Variants in SPIDR observed in about 807,000 individuals in gnomAD.
SPIDR encodes scaffold protein involved in DNA repair, also known as DNA repair-scaffolding protein.
SPIDR carries 93 observed loss-of-function variants against 104.6 expected under a neutral mutation model. That is an observed-to-expected ratio of 0.89 (90% confidence interval 0.75 to 1.06). The LOEUF is 1.06. Ranked by LOEUF, SPIDR falls within the 50% of genes least tolerant of loss-of-function variation. SPIDR has a pLI of 0.00. For synonymous variants in SPIDR, 431 were observed against 416.9 expected (o/e 1.03, Z -0.41); for missense variants, 1,154 against 1,111.2 (o/e 1.04, Z -0.55).
intron 8 of SPIDR, among the ~76,000 whole-genome samples, chr8:47,553,868 C>T (rs994705353): frequency 1.3e-5 from 2 of 152,152 alleles, no homozygotes; most frequent in African/African-American, 4.8e-5. Context: ...TTGGTTTCTC[C>T]CCATCTTTGT....
intron 5 of SPIDR, among the ~76,000 whole-genome samples, chr8:47,347,287 C>T (rs577521089): frequency 1.3e-5 from 2 of 152,190 alleles, no homozygotes; most frequent in East Asian, 1.9e-4. Context: ...TGAGATCTAA[C>T]TTGATTGCAC....
intron 10 of SPIDR, 159 bp from the exon 11 acceptor site, chr8:47,673,638 ATTTC>A: frequency 3.3e-6 from 3 of 921,240 alleles, no homozygotes; most frequent in Non-Finnish European, 3.3e-6. Context: ...ACTACAGTGG[ATTTC>A]TTTTTTTTTT....
Position 47,293,936 on chromosome 8 carries a change from A to G in SPIDR, c.431A>G (p.Glu144Gly). 14 of 1,614,116 alleles carry G rather than the reference A, an allele frequency of 8.7e-6. No homozygotes were observed. Among genetic ancestry groups the G allele is most frequent in the Non-Finnish European group, 1.2e-5 (14 of 1,180,016 alleles). ...RAEASDCDEF[E>G]DDEGAVEISD... ...GAGGCTAGTGACTGTGATGAATTTG[A>G]AGATGACGAGGGTGCTGTGGAAATC... The change falls in exon 5 of 20, where the codon GAA (glutamate) becomes GGA (glycine). Residue 144 changes from glutamate to glycine, a missense_variant. By Grantham distance (98) the Glu-to-Gly change is moderately conservative. Transcript: ENST00000297423.
At chr8:47,324,675 A>AAAT (rs1457114273) in intron 5 of SPIDR, among the ~76,000 whole-genome samples, 8 of 152,178 alleles carry the variant, frequency 5.3e-5, no homozygotes, top group African/African-American at 1.9e-4. Flanking sequence ...TGCTTCCCTT[A>AAAT]AAGGGGCTCT....
chr8:47,293,947 G>C lies in SPIDR; in HGVS notation c.442G>C (p.Gly148Arg). The part of the protein sequence containing the change: ...SDCDEFEDDE[G>R]AVEISDCASC... ...CTGTGATGAATTTGAAGATGACGAG[G>C]GTGCTGTGGAAATCTCAGACTGTGC... Residue 148 changes from glycine to arginine, a missense_variant, in exon 5 of 20, where the codon GGT becomes CGT. Transcript: ENST00000297423. 2.5e-6 allele frequency: 4 copies of C among 1,614,076 alleles called. No homozygotes were observed. Among genetic ancestry groups the C allele is most frequent in the Non-Finnish European group, 3.4e-6 (4 of 1,179,988 alleles).
rs556490240 is a variant in SPIDR at position 47,441,339 on chromosome 8, TATG to T, written c.1097+801_1097+803del. On this transcript the variant is annotated intron_variant, in intron 8 of 19. Transcript: ENST00000297423. ...TCTAGACCAAGTTAAAAATTGGAAA[TATG>T]ATGTTTATCATTTTAATTCATATTT... Among the ~76,000 whole-genome samples the T allele has an allele frequency of 8.2e-4, 125 of 152,320 alleles. 1 individual carries two copies. The highest frequency in any genetic ancestry group is 2.9e-3 in the African/African-American group (119 of 41,574).
At chr8:47,478,822 T>C (rs2076560902) in intron 8 of SPIDR, among the ~76,000 whole-genome samples, 1 of 152,214 alleles carries the variant, frequency 6.6e-6, no homozygotes, top group Admixed American at 6.5e-5. Flanking sequence ...CCTACAATTA[T>C]AGCTCTAAAC....
intron 8 of SPIDR, among the ~76,000 whole-genome samples, chr8:47,495,557 AT>A (rs1178299442): frequency 6.6e-6 from 1 of 151,886 alleles, no homozygotes; most frequent in African/African-American, 2.4e-5. Context: ...CAGCTTATCT[AT>A]TTTTTTATTT....
intron 10 of SPIDR, among the ~76,000 whole-genome samples, chr8:47,666,674 T>G (rs1355090276): frequency 2.6e-5 from 4 of 152,208 alleles, no homozygotes; most frequent in Admixed American, 2.6e-4. Context: ...TGGCACTAAC[T>G]GACTGCTGTC....
At chr8:47,345,769 C>T (rs761018590) in intron 5 of SPIDR, among the ~76,000 whole-genome samples, 1 of 151,650 alleles carries the variant, frequency 6.6e-6, no homozygotes, top group Non-Finnish European at 1.5e-5. Context: ...CTGTTTGTCT[C>T]TTATTGGTGT....
intron 1 of SPIDR, among the ~76,000 whole-genome samples, chr8:47,268,287 T>C (rs2034509922): frequency 6.6e-6 from 1 of 152,218 alleles, no homozygotes; most frequent in African/African-American, 2.4e-5. Flanking sequence ...TGACTTGTTT[T>C]CTGTTTTGAG....
chr8:47,326,482 T>G lies in SPIDR; in HGVS notation c.525+32452T>G, dbSNP rs374281125. Among the ~76,000 whole-genome samples the G allele has an allele frequency of 2.6e-5, 4 of 152,350 alleles. No individual in the cohort carries two copies. The South Asian group carries it at 8.3e-4, about 32-fold the overall frequency. The stretch of plus-strand genomic sequence containing the variant: ...AGGTGAAATTCACATAGCATCAAAT[T>G]AACATTCAAAAGTGAATAATTCAGT... On this transcript the variant is annotated intron_variant, in intron 5 of 19. Transcript: ENST00000297423.
chr8:47,553,698 T>G (rs1324328173), intron 8 of SPIDR, among the ~76,000 whole-genome samples: 3 of 152,340 alleles, frequency 2.0e-5, no homozygotes. Context: ...AACATCCTCC[T>G]TTAGCTCGGA....
At chr8:47,581,170 C>T (rs2059658362) in intron 8 of SPIDR, among the ~76,000 whole-genome samples, 1 of 152,196 alleles carries the variant, frequency 6.6e-6, no homozygotes, top group Admixed American at 6.5e-5. Context: ...TCTATTGCAG[C>T]ACCGGTAACC....
intron 5 of SPIDR, among the ~76,000 whole-genome samples, chr8:47,304,023 A>G (rs1030954715): frequency 1.3e-4 from 20 of 152,148 alleles, no homozygotes; most frequent in Non-Finnish European, 2.8e-4. Flanking sequence ...TTGATTACTG[A>G]TAAGACTTTC....
intron 5 of SPIDR, among the ~76,000 whole-genome samples, chr8:47,362,885 T>G (rs1036638245): frequency 7.9e-5 from 12 of 152,168 alleles, no homozygotes; most frequent in Non-Finnish European, 1.5e-4. Flanking sequence ...ACTCCTAACT[T>G]CAAGTGATTC....
At chr8:47,680,986 C>T (rs1056254857) in intron 11 of SPIDR, among the ~76,000 whole-genome samples, 1 of 152,206 alleles carries the variant, frequency 6.6e-6, no homozygotes, top group African/African-American at 2.4e-5. Context: ...ATCACTTGAA[C>T]CGGGAGGCGG....
chr8:47,478,872 T>G (rs181505823), intron 8 of SPIDR, among the ~76,000 whole-genome samples: 1 of 152,152 alleles, frequency 6.6e-6, no homozygotes, highest in Non-Finnish European at 1.5e-5. Flanking sequence ...GAAGATAACT[T>G]TGATTTCTGA....
intron 5 of SPIDR, among the ~76,000 whole-genome samples, chr8:47,319,948 G>A (rs1406338511): frequency 4.0e-5 from 6 of 151,786 alleles, no homozygotes; most frequent in Non-Finnish European, 8.8e-5. Flanking sequence ...ATTCAAAGCA[G>A]TGTGTAGAGG....
Sources: gnomAD v4.1 joint callset for allele counts (sites outside exome capture counted in the v4.1 genomes callset) on GRCh38, gnomAD v4.1.1 for gene constraint, MANE v1.5 for transcripts, NCBI Gene and HGNC (gene_info 2026-07-23, HGNC 2026-07-21) for gene names.